Variants in MAP3K21 observed in about 807,000 individuals in gnomAD.
MAP3K21 encodes the protein mitogen-activated protein kinase kinase kinase 21, also known as mitogen-activated protein kinase kinase kinase MLK4.
A neutral mutation model predicts 86.1 loss-of-function variants in MAP3K21; 63 were observed. That is an observed-to-expected ratio of 0.73 (90% CI 0.60 to 0.90). The LOEUF is 0.90. Ranked by LOEUF, MAP3K21 falls within the 40% of genes least tolerant of loss-of-function variation. The pLI is 0.00. For synonymous variants in MAP3K21, 558 were observed against 564.8 expected, an observed-to-expected ratio of 0.99 and a Z score of 0.17; for missense variants, 1,220 against 1,367.7, an observed-to-expected ratio of 0.89 and a Z score of 1.70.
chr1:233,328,141 C>T lies in MAP3K21; in HGVS notation c.113C>T (p.Ala38Val). 1.4e-6 allele frequency: 2 copies of T among 1,424,792 alleles called. No homozygotes were observed. Among genetic ancestry groups the T allele is most frequent in the South Asian group, 1.4e-5 (1 of 69,608 alleles). The allele number at this position is 1,424,792 out of a possible 1,614,324, so 88.3% of individuals were successfully genotyped here. A position where few individuals can be genotyped will look rare whatever the true frequency, so the allele number is the denominator to read the frequency against. The change falls in exon 1 of 10, where the codon GCG (alanine) becomes GTG (valine). Residue 38 changes from alanine to valine, a missense_variant. By Grantham distance (64) the Ala-to-Val change is moderately conservative. Coordinates refer to ENST00000366624, the MANE Select transcript of MAP3K21 (RefSeq NM_032435.3). This position sits in a 1 kb window ranked among gnomAD's most constrained non-coding sequence, Gnocchi z 8.7. ...SSTSSGGSAS[A>V]GAGLWAALYD... ...ACCTCCTCGGGCGGCTCGGCCTCGG[C>T]GGGCGCGGGGCTGTGGGCCGCGCTC... is the stretch of plus-strand genomic sequence containing the variant.
rs996116291 is a variant in MAP3K21, at chr1:233,382,687, A to C, written c.3087A>C (p.Glu1029Asp). Residue 1029 changes from glutamate to aspartate, a missense_variant, in exon 10 of 10, where the codon GAA becomes GAC. By Grantham distance (45) the Glu-to-Asp change is conservative (BLOSUM62 2). Around this residue, in one of 5 missense-constraint regions of MAP3K21, gnomAD observed 632 missense variants for 691.3 expected, o/e 0.91. Transcript: ENST00000366624. ...AAACCAGCCGGCCATCTATATATGAACTGGAGAAAGAATTCCTGTCTTAAA... is the reference window on the plus strand; with the variant it reads ...AAACCAGCCGGCCATCTATATATGACCTGGAGAAAGAATTCCTGTCTTAAA... ...RSKTSRPSIY[E>D]LEKEFLS 100 of 1,612,862 alleles carry C rather than the reference A, an allele frequency of 6.2e-5. No homozygotes were observed. Among genetic ancestry groups the C allele is most frequent in the Non-Finnish European group, 8.1e-5 (95 of 1,179,322 alleles).
chr1:233,378,223 C>T (rs1294245), intron 8 of MAP3K21, among the ~76,000 whole-genome samples: 15,133 of 152,224 alleles, frequency 0.099, 1,267 homozygotes, highest in African/African-American at 0.23. Context: ...TTTAATTATG[C>T]GCTGTCACTT....
chr1:233,361,698 G>A (rs531316052), intron 4 of MAP3K21, among the ~76,000 whole-genome samples: 2 of 152,330 alleles, frequency 1.3e-5, no homozygotes, highest in Middle Eastern at 3.4e-3. Context: ...CATATTTTAT[G>A]TGTCAGGTGA....
chr1:233,376,590 C>T, intron 8 of MAP3K21, 63 bp downstream of exon 8: 1 of 1,213,308 alleles, frequency 8.2e-7, no homozygotes, highest in Non-Finnish European at 1.2e-6. Flanking sequence ...TGTGCTGAAG[C>T]TTTGCTTTTA....
At chr1:233,382,088 C>A (rs948540743) in intron 9 of MAP3K21, among the ~76,000 whole-genome samples, 1 of 152,194 alleles carries the variant, frequency 6.6e-6, no homozygotes, top group African/African-American at 2.4e-5. Flanking sequence ...GTGGTCCCAG[C>A]TACTCTAGAG....
intron 1 of MAP3K21, among the ~76,000 whole-genome samples, chr1:233,339,525 G>T (rs1662997105): frequency 6.9e-6 from 1 of 145,470 alleles, no homozygotes. Context: ...CTGTTGTCCA[G>T]GCTGGAGTGC....
intron 1 of MAP3K21, among the ~76,000 whole-genome samples, chr1:233,345,979 G>C (rs963615657): frequency 1.3e-5 from 2 of 152,134 alleles, no homozygotes; most frequent in Admixed American, 1.3e-4. Flanking sequence ...ATCAGTTAAA[G>C]AATCTATAAG....
At chr1:233,375,893 A>G (rs1450035224) in intron 6 of MAP3K21, 23 bp from the exon 7 acceptor site, 1 of 1,592,556 alleles carries the variant, frequency 6.3e-7, no homozygotes, top group South Asian at 1.1e-5. Context: ...TGTGGTTAAT[A>G]TGGTTAATAA....
rs1231075251 is a variant in MAP3K21, at chr1:233,365,651, G to A, written c.1552+3358G>A. On this transcript the variant is annotated intron_variant, in intron 5 of 9. Coordinates refer to ENST00000366624, the MANE Select transcript of MAP3K21 (RefSeq NM_032435.3). ...AATGTTGGTGAGGATGTGGAGAAAA[G>A]GGAACTCTTACACACATTCTCTTGT... Among the ~76,000 whole-genome samples, 9 of 152,128 alleles carry A rather than the reference G, an allele frequency of 5.9e-5. No homozygotes were observed. In the East Asian group the frequency reaches 1.7e-3, roughly 29 times the overall value.
Position 233,372,204 on chromosome 1 carries a change from C to G in MAP3K21, c.1675+44C>G, listed in dbSNP as rs747615119. Reference sequence around the variant, plus strand: ...CACGGGGGCTCCTGTGTTGACTTCTCTCCTTTCACTTGACTTGGATTCAAA... The same window carrying G: ...CACGGGGGCTCCTGTGTTGACTTCTGTCCTTTCACTTGACTTGGATTCAAA... On this transcript the variant is annotated intron_variant, in intron 6 of 9. Coordinates refer to ENST00000366624, the MANE Select transcript of MAP3K21 (RefSeq NM_032435.3). 8 of 1,605,678 alleles carry G rather than the reference C, an allele frequency of 5.0e-6. No homozygotes were observed. The East Asian group carries it at 1.1e-4, about 22-fold the overall frequency.
intron 1 of MAP3K21, among the ~76,000 whole-genome samples, chr1:233,338,179 A>G (rs922067255): frequency 2.0e-5 from 3 of 152,216 alleles, no homozygotes; most frequent in African/African-American, 7.2e-5. Flanking sequence ...GGCTTGTCCC[A>G]TGAAAGATGG....
chr1:233,339,304 CTCTTCTTCTTCCTCT>C lies in MAP3K21; in HGVS notation c.806-7116_806-7102del, dbSNP rs1558450991. Among the ~76,000 whole-genome samples, 6 of 64,252 alleles carry C rather than the reference CTCTTCTTCTTCCTCT, an allele frequency of 9.3e-5. 1 individual carries two copies. Among genetic ancestry groups the C allele is most frequent in the African/African-American group, 3.9e-4 (6 of 15,452 alleles). The allele number at this position is 64,252 out of a possible 152,430, so 42.2% of individuals were successfully genotyped here. On this transcript the variant is annotated intron_variant, in intron 1 of 9. Coordinates refer to ENST00000366624, the MANE Select transcript of MAP3K21 (RefSeq NM_032435.3). ...CTTCTTCTTCTTCCTCTTCTTCTTC[CTCTTCTTCTTCCTCT>C]TCTTCTTCTTCCTCTTCTTCTCCCT...
At position 233,382,982 on chromosome 1, in the gene MAP3K21, A is replaced by C; in HGVS notation, c.*271A>C. ...AATGAAAACTATGCTGGGTCGAATT[A>C]CCTTCAGCACAATGTTAATGTTTTT... On this transcript the variant is annotated 3_prime_UTR_variant, in exon 10 of 10. Coordinates refer to ENST00000366624, the MANE Select transcript of MAP3K21 (RefSeq NM_032435.3). The C allele has an allele frequency of 3.4e-6, 1 of 297,794 alleles. No homozygotes were observed. The highest frequency in any genetic ancestry group is 6.3e-6 in the Non-Finnish European group (1 of 158,078). The allele number at this position is 297,794 out of a possible 1,614,324, so 18.4% of individuals were successfully genotyped here.
In MAP3K21 at chr1:233,376,431, A is replaced by T; in HGVS notation, c.1828A>T (p.Ile610Leu). Reference protein sequence around the residue: ...MKDRTDCKERIRPLSDGNSPW... With the variant: ...MKDRTDCKERLRPLSDGNSPW... Reference sequence around the variant, plus strand: ...AAAAGAAACATTTTTCTCTTGTAGGATAAGACCTCTCTCCGATGGCAACAG... The same window carrying T: ...AAAAGAAACATTTTTCTCTTGTAGGTTAAGACCTCTCTCCGATGGCAACAG... The change falls in exon 8 of 10, where the codon ATA becomes TTA. Residue 610 changes from isoleucine to leucine, a missense_variant and splice_region_variant. By Grantham distance (5) the Ile-to-Leu change is conservative (BLOSUM62 2). Coordinates refer to ENST00000366624, the MANE Select transcript of MAP3K21 (RefSeq NM_032435.3). 1 of 1,607,278 alleles carries T rather than the reference A, an allele frequency of 6.2e-7. No homozygotes were observed.
In MAP3K21 at chr1:233,382,437, G is replaced by C. The variant is rs201076217; in HGVS notation, c.2837G>C (p.Arg946Pro). ...HSTVHIVPQR[R>P]PASLRSRSDL... ...ACTGTCCACATCGTGCCTCAGCGTC[G>C]CCCTGCCTCCCTGAGAAGCCGCTCA... is the stretch of plus-strand genomic sequence containing the variant. Residue 946 changes from arginine to proline, a missense_variant, in exon 10 of 10, where the codon CGC becomes CCC. By Grantham distance (103) the Arg-to-Pro change is moderately radical. Transcript: ENST00000366624. The C allele has an allele frequency of 1.2e-6, 2 of 1,614,058 alleles. No homozygotes were observed. The highest frequency in any genetic ancestry group is 4.5e-5 in the East Asian group (2 of 44,878).
intron 8 of MAP3K21, among the ~76,000 whole-genome samples, chr1:233,376,921 C>T (rs890857848): frequency 6.6e-6 from 1 of 152,066 alleles, no homozygotes; most frequent in Non-Finnish European, 1.5e-5. Flanking sequence ...TCCAATGAAA[C>T]AGGTTAACTA....
intron 6 of MAP3K21, among the ~76,000 whole-genome samples, chr1:233,375,331 T>C (rs1256886168): frequency 6.6e-6 from 1 of 152,148 alleles, no homozygotes; most frequent in African/African-American, 2.4e-5. Context: ...TACATCGTCC[T>C]GTGAGGTAGT....
At chr1:233,375,132 C>T (rs745565008) in intron 6 of MAP3K21, among the ~76,000 whole-genome samples, 6 of 151,794 alleles carry the variant, frequency 4.0e-5, no homozygotes, top group Non-Finnish European at 8.8e-5. Flanking sequence ...TTAGTGGAGA[C>T]CGGGTTTCAC....
At chr1:233,343,787 G>A (rs780168340) in intron 1 of MAP3K21, among the ~76,000 whole-genome samples, 98 of 152,044 alleles carry the variant, frequency 6.4e-4, no homozygotes, top group Non-Finnish European at 4.6e-4. Context: ...TAGCATTGTC[G>A]TATGGGTTAT....
Sources: allele counts gnomAD v4.1 joint callset (sites outside exome capture counted in the v4.1 genomes callset), GRCh38; gene constraint gnomAD v4.1.1; regional missense constraint gnomAD v4.1.1; non-coding constraint Gnocchi (gnomAD v3.1); transcripts MANE v1.5; gene names NCBI Gene and HGNC (gene_info 2026-07-23, HGNC 2026-07-21).